The following XNDC1N variants were observed in gnomAD, a reference collection of about 807,000 sequenced individuals.
XNDC1N encodes the protein protein XNDC1N.
At chr11:71,888,595 G>A in the XNDC1N span, among the ~76,000 whole-genome samples, 2 of 152,300 alleles carry the variant, frequency 1.3e-5, no homozygotes, top group African/African-American at 2.4e-5. Flanking sequence ...CCAGGCCGAG[G>A]CTGGGGGCCT....
At chr11:71,898,876 G>A in the XNDC1N span, among the ~76,000 whole-genome samples, 4 of 152,030 alleles carry the variant, frequency 2.6e-5, no homozygotes, top group African/African-American at 9.6e-5. Flanking sequence ...GTTTATACTG[G>A]CCATTCTATA....
chr11:71,884,051 C>T, the XNDC1N span, among the ~76,000 whole-genome samples: 4 of 152,172 alleles, frequency 2.6e-5, no homozygotes, highest in Non-Finnish European at 4.4e-5. Flanking sequence ...AGATTCCATC[C>T]CCAATGACTT....
At chr11:71,871,834 T>C in the XNDC1N span, among the ~76,000 whole-genome samples, 1 of 152,110 alleles carries the variant, frequency 6.6e-6, no homozygotes, top group African/African-American at 2.4e-5. Flanking sequence ...CACACTAGAA[T>C]AACTATAATA....
At chr11:71,884,341 T>C in the XNDC1N span, 273 of 1,417,296 alleles carry the variant, frequency 1.9e-4, no homozygotes, top group African/African-American at 3.7e-3. Flanking sequence ...TTATAAAACA[T>C]TTCAGACATT....
At chr11:71,921,032 T>A in the XNDC1N span, among the ~76,000 whole-genome samples, 2 of 151,754 alleles carry the variant, frequency 1.3e-5, no homozygotes, top group African/African-American at 4.8e-5. Context: ...TTGCCCAGGG[T>A]GGAGTGTAGG....
At chr11:71,897,252 T>G in the XNDC1N span, among the ~76,000 whole-genome samples, 1 of 152,312 alleles carries the variant, frequency 6.6e-6, no homozygotes, top group African/African-American at 2.4e-5. Context: ...TGACAGACAC[T>G]TTTGTGCAGC....
the XNDC1N span, among the ~76,000 whole-genome samples, chr11:71,897,451 C>T: frequency 6.6e-6 from 1 of 152,188 alleles, no homozygotes; most frequent in Non-Finnish European, 1.5e-5. Flanking sequence ...AAGAAGATAT[C>T]ACAATGGCCA....
chr11:71,885,435 T>A, the XNDC1N span, among the ~76,000 whole-genome samples: 2 of 152,172 alleles, frequency 1.3e-5, no homozygotes, highest in African/African-American at 4.8e-5. Flanking sequence ...TCCTGCGATG[T>A]TGGGAGTAAT....
chr11:71,919,079 A>C, the XNDC1N span: 1 of 693,114 alleles, frequency 1.4e-6, no homozygotes, highest in Non-Finnish European at 2.6e-6. Flanking sequence ...CAAGGGAAAA[A>C]GGATGCCCAT....
At chr11:71,921,489 G>A in the XNDC1N span, among the ~76,000 whole-genome samples, 16 of 152,068 alleles carry the variant, frequency 1.1e-4, no homozygotes, top group African/African-American at 3.6e-4. Context: ...ATATTGCTCA[G>A]GTTGGTCTCC....
the XNDC1N span, chr11:71,923,205 T>G: frequency 4.4e-6 from 3 of 689,020 alleles, no homozygotes; most frequent in African/African-American, 1.8e-5. Context: ...TCACAATGTC[T>G]CTTCTATTAG....
At chr11:71,892,907 C>T in the XNDC1N span, among the ~76,000 whole-genome samples, 5 of 151,998 alleles carry the variant, frequency 3.3e-5, no homozygotes, top group Admixed American at 2.0e-4. Flanking sequence ...GTCAGAAAAC[C>T]GAAGGATGAT....
the XNDC1N span, among the ~76,000 whole-genome samples, chr11:71,922,830 C>T: frequency 2.0e-4 from 30 of 152,300 alleles, no homozygotes; most frequent in African/African-American, 7.0e-4. Context: ...GGTGGGAAGT[C>T]CCTCAGAATC....
chr11:71,911,832 C>A, the XNDC1N span, among the ~76,000 whole-genome samples: 4 of 152,124 alleles, frequency 2.6e-5, no homozygotes, highest in African/African-American at 9.7e-5. Flanking sequence ...TGGGGAATTC[C>A]CGCGCTGACT....
chr11:71,867,000 A>G, the XNDC1N span, among the ~76,000 whole-genome samples: 3 of 152,226 alleles, frequency 2.0e-5, no homozygotes, highest in Admixed American at 2.0e-4. Flanking sequence ...CATATTCAAA[A>G]TACAAAATAA....
the XNDC1N span, among the ~76,000 whole-genome samples, chr11:71,927,199 A>G: frequency 2.0e-5 from 3 of 152,070 alleles, no homozygotes; most frequent in African/African-American, 7.2e-5. Context: ...GTGAGCAGTT[A>G]TCACGCCACT....
the XNDC1N span, chr11:71,928,524 G>A: frequency 4.3e-6 from 3 of 702,568 alleles, no homozygotes; most frequent in South Asian, 3.0e-5. Context: ...TCAAGAAGCT[G>A]CTGTTTTTGA....
chr11:71,878,336 G>A, the XNDC1N span: 1 of 1,033,454 alleles, frequency 9.7e-7, no homozygotes, highest in Non-Finnish European at 1.4e-6. Context: ...AAATGTTATT[G>A]CTCCTGAAAG....
the XNDC1N span, among the ~76,000 whole-genome samples, chr11:71,912,260 C>T: frequency 2.0e-5 from 3 of 151,934 alleles, no homozygotes; most frequent in Non-Finnish European, 2.9e-5. Flanking sequence ...CACAGAGATG[C>T]CAAAGTGTGG....
Sources: allele counts gnomAD v4.1 joint callset (sites outside exome capture counted in the v4.1 genomes callset), GRCh38; gene constraint gnomAD v4.1.1; transcripts MANE v1.5; gene names NCBI Gene and HGNC (gene_info 2026-07-23, HGNC 2026-07-21).